CES1: variants seen among roughly 807,000 people sequenced by gnomAD.
CES1 encodes the protein carboxylesterase 1, also known as liver carboxylesterase 1.
In CES1, 50 loss-of-function variants were observed where a neutral mutation model predicts 53.0. The observed-to-expected ratio is 0.94, with a 90% CI of 0.75 to 1.19. The LOEUF (loss-of-function observed/expected upper bound fraction) is 1.19. Ranked by LOEUF, CES1 falls within the 50% of genes most tolerant of loss-of-function variation. The pLI, the probability that CES1 is intolerant of heterozygous loss-of-function variation, is 0.00. For synonymous variants in CES1, 202 were observed against 210.1 expected, an observed-to-expected ratio of 0.96 and a Z score of 0.33; for missense variants, 534 against 538.0, an observed-to-expected ratio of 0.99 and a Z score of 0.07.
chr16:55,827,271 G>GAATAAGAAT (rs1250018886), intron 2 of CES1, among the ~76,000 whole-genome samples: 1 of 60,480 alleles, frequency 1.7e-5, no homozygotes, highest in Non-Finnish European at 3.6e-5. Flanking sequence ...AGTGCAAGAG[G>GAATAAGAAT]AATAACAATA....
chr16:55,825,276 C>A (rs1414819590), intron 3 of CES1, among the ~76,000 whole-genome samples: 1 of 152,344 alleles, frequency 6.6e-6, no homozygotes, highest in Admixed American at 6.5e-5. Flanking sequence ...TCTAGTTCCA[C>A]GTTCGCAGAC....
chr16:55,820,164 T>G (rs1201002860), intron 6 of CES1: 9 of 575,596 alleles, frequency 1.6e-5, no homozygotes, highest in Non-Finnish European at 2.5e-5. Context: ...GGCAAATCCC[T>G]TCCAAGCCCT....
rs570917053 is a variant in CES1, at chr16:55,811,283, T to C, written c.1087-273A>G. The stretch of plus-strand genomic sequence containing the variant: ...TTTGCAGTGTGTGTGTGTGCGCGCG[T>C]GTGTGTGTGTGTGTCTGTGGCTGGG... On this transcript the variant is annotated intron_variant, in intron 9 of 13. Transcript: ENST00000360526. Among the ~76,000 whole-genome samples the C allele has an allele frequency of 3.2e-3, 468 of 146,420 alleles. 2 individuals are homozygous for C. In the South Asian group the frequency reaches 0.046, roughly 14 times the overall value.
chr16:55,826,445 G>C, intron 2 of CES1, 150 bp from the exon 3 acceptor site: 3 of 1,041,306 alleles, frequency 2.9e-6, no homozygotes, highest in African/African-American at 1.6e-5. Flanking sequence ...AGGCTATCAG[G>C]GGCTTCAGGT....
Position 55,813,003 on chromosome 16 carries a change from A to C in CES1, c.986T>G (p.Leu329Arg). Residue 329 changes from leucine (L) to arginine (R), a missense_variant, in exon 9 of 14, where the codon CTG becomes CGG. By Grantham distance (102) the Leu-to-Arg change is moderately radical. This residue lies in a region of CES1 where 269 missense variants were observed against 206.6 expected (regional missense o/e 1.30). Coordinates refer to ENST00000360526, the MANE Select transcript of CES1 (RefSeq NM_001025195.2). ...TTGAAGCTCTTCAGGTGTTTTCAGC[A>C]GCAGCATCCCATCAATCACAGTGCC... ...LLGTVIDGML[L>R]LKTPEELQAE... is the part of the protein sequence containing the mutation. The C allele has an allele frequency of 6.2e-7, 1 of 1,614,096 alleles. No homozygotes were observed. The highest frequency in any genetic ancestry group is 8.5e-7 in the Non-Finnish European group (1 of 1,179,960).
chr16:55,830,814 G>GC (rs1436510237), intron 1 of CES1, among the ~76,000 whole-genome samples: 6 of 150,884 alleles, frequency 4.0e-5, no homozygotes, highest in South Asian at 4.2e-4. Context: ...AGGAAGGAAG[G>GC]AAGGAAGGCA....
rs375236574 is a variant in CES1, at chr16:55,815,461, C to T, written c.945+1463G>A. On this transcript the variant is annotated intron_variant, in intron 8 of 13. Coordinates refer to ENST00000360526, the MANE Select transcript of CES1 (RefSeq NM_001025195.2). The stretch of plus-strand genomic sequence containing the variant: ...CGGGAGCACCTCAGTTGGGTGACAG[C>T]CATGCTGGAAGACTGCCATCAGCAA... 5.9e-5 allele frequency among the ~76,000 whole-genome samples: 9 copies of T among 152,204 alleles called. No individual in the cohort carries two copies. In the East Asian group the frequency reaches 1.2e-3, roughly 19 times the overall value.
intron 8 of CES1, among the ~76,000 whole-genome samples, chr16:55,816,242 T>A (rs28608110): frequency 1.5e-3 from 220 of 151,246 alleles, no homozygotes; most frequent in African/African-American, 5.2e-3. Context: ...CCCAAGAGGG[T>A]AGGGAGTCTT....
At chr16:55,818,674 G>A (rs535490812) in intron 7 of CES1, among the ~76,000 whole-genome samples, 55 of 152,000 alleles carry the variant, frequency 3.6e-4, no homozygotes, top group Non-Finnish European at 7.5e-4. Context: ...AGTTCCTTGA[G>A]AGCAGGGACT....
chr16:55,827,409 C>T (rs1450610245), intron 2 of CES1, among the ~76,000 whole-genome samples: 10 of 151,710 alleles, frequency 6.6e-5, no homozygotes, highest in Non-Finnish European at 1.5e-4. Flanking sequence ...ATTATTTTGC[C>T]TATACAATAG....
chr16:55,813,952 G>T (rs1364381415), intron 8 of CES1, among the ~76,000 whole-genome samples: 1 of 152,196 alleles, frequency 6.6e-6, no homozygotes, highest in Non-Finnish European at 1.5e-5. Flanking sequence ...AGCTTCCCCT[G>T]CTCTGTACCT....
chr16:55,819,013 A>G (rs1354979355), intron 7 of CES1, among the ~76,000 whole-genome samples: 7 of 152,246 alleles, frequency 4.6e-5, no homozygotes, highest in Non-Finnish European at 1.0e-4. Flanking sequence ...TGAATTAGTG[A>G]ACAGATAGAT....
intron 8 of CES1, 111 bp from the exon 9 acceptor site, chr16:55,813,154 C>T: frequency 2.1e-6 from 3 of 1,450,940 alleles, no homozygotes; most frequent in African/African-American, 1.4e-5. Context: ...TGGCCATGCG[C>T]CATGGCTGCA....
rs544043476 is a variant in CES1 at position 55,820,495 on chromosome 16, A to G, written c.694-16T>C. On this transcript the variant is annotated splice_polypyrimidine_tract_variant and intron_variant, in intron 5 of 13. Coordinates refer to ENST00000360526, the MANE Select transcript of CES1 (RefSeq NM_001025195.2). ...GAGACAAAACCTGACAGCAGAGTGG[A>G]GGGGAGGAGAGTTCATGCTCAGGAG... 145 of 1,584,726 alleles carry G rather than the reference A, an allele frequency of 9.1e-5. No individual in the cohort carries two copies. In the African/African-American group the frequency reaches 1.9e-3, roughly 21 times the overall value.
At chr16:55,832,943 A>G in intron 1 of CES1, 61 bp downstream of exon 1, 2 of 1,385,958 alleles carry the variant, frequency 1.4e-6, no homozygotes, top group Non-Finnish European at 2.1e-6. Flanking sequence ...ATCTGCGCCC[A>G]CCTCGGCCCA....
chr16:55,811,496 G>A (rs781455974), intron 9 of CES1, among the ~76,000 whole-genome samples: 6 of 152,130 alleles, frequency 3.9e-5, no homozygotes, highest in South Asian at 2.1e-4. Flanking sequence ...TCTGAGGGGC[G>A]AACTGCACAT....
At chr16:55,830,807 AAGGAAGGAAGGAAGGC>A (rs2032623128) in intron 1 of CES1, among the ~76,000 whole-genome samples, 1 of 145,222 alleles carries the variant, frequency 6.9e-6, no homozygotes, top group Admixed American at 6.9e-5. Context: ...GGAAGGAAGG[AAGGAAGGAAGGAAGGC>A]AGGCAGGCAG....
chr16:55,832,263 G>A, intron 1 of CES1, among the ~76,000 whole-genome samples: 1 of 152,150 alleles, frequency 6.6e-6, no homozygotes, highest in South Asian at 2.1e-4. Context: ...CCCAGGCTCT[G>A]CTGCTTCCCC....
At chr16:55,819,688 C>T (rs1267354102) in intron 6 of CES1, 49 bp from the exon 7 acceptor site, 1 of 1,474,376 alleles carries the variant, frequency 6.8e-7, no homozygotes, top group Admixed American at 1.7e-5. Flanking sequence ...CATCCCTTCC[C>T]TCCATCAAAG....
Sources: gnomAD v4.1 joint callset for allele counts (sites outside exome capture counted in the v4.1 genomes callset) on GRCh38, gnomAD v4.1.1 for gene constraint, gnomAD v4.1.1 regional missense constraint, MANE v1.5 for transcripts, NCBI Gene and HGNC (gene_info 2026-07-23, HGNC 2026-07-21) for gene names.